Variants in INSIG1 observed in about 807,000 individuals in gnomAD.
INSIG1 encodes the protein insulin-induced gene 1 protein.
A neutral mutation model predicts 26.5 loss-of-function variants in INSIG1; 14 were observed. That is an observed-to-expected ratio of 0.53 (90% CI 0.35 to 0.83). The LOEUF (loss-of-function observed/expected upper bound fraction) is 0.83, where lower values mean the gene tolerates loss of function less well. Ranked by LOEUF, INSIG1 falls within the 40% of genes least tolerant of loss-of-function variation. INSIG1 has a pLI of 0.01. For synonymous variants in INSIG1, 147 were observed against 153.3 expected, an observed-to-expected ratio of 0.96 and a Z score of 0.30; for missense variants, 272 against 368.9, an observed-to-expected ratio of 0.74 and a Z score of 2.15.
chr7:155,301,215 A>G (rs376366619), intron 2 of INSIG1, among the ~76,000 whole-genome samples: 1 of 152,260 alleles, frequency 6.6e-6, no homozygotes, highest in African/African-American at 2.4e-5. Context: ...AAGGTGAACT[A>G]CATAGTCATT....
chr7:155,301,833 A>T (rs550772231), intron 3 of INSIG1, 143 bp downstream of exon 3: 1 of 679,920 alleles, frequency 1.5e-6, no homozygotes, highest in Non-Finnish European at 2.1e-6. Flanking sequence ...TACTAAAAAG[A>T]GAAAGAAGAA....
Position 155,302,509 on chromosome 7 carries a change from G to GT in INSIG1, c.704+98dup, listed in dbSNP as rs1483757578. On this transcript the variant is annotated intron_variant, in intron 4 of 5. Coordinates refer to ENST00000340368, the MANE Select transcript of INSIG1 (RefSeq NM_005542.6). This position sits in a 1 kb window ranked among gnomAD's most constrained non-coding sequence, Gnocchi z 4.3. ...GCTTAGATATTTTCATATTTTATTTGTTTTTTATATAGAATGATACAGATT... is the reference window on the plus strand; with the variant it reads ...GCTTAGATATTTTCATATTTTATTTGTTTTTTTATATAGAATGATACAGATT... 8.0e-7 allele frequency: 1 copy of GT among 1,252,450 alleles called. No homozygotes were observed. The highest frequency in any genetic ancestry group is 2.8e-5 in the Admixed American group (1 of 35,824). 77.6% of individuals were successfully genotyped at this position (1,252,450 alleles called of 1,614,324 possible).
intron 2 of INSIG1, 36 bp downstream of exon 2, chr7:155,298,733 G>C (rs780408890): frequency 1.3e-5 from 21 of 1,580,518 alleles, no homozygotes; most frequent in East Asian, 9.0e-5. Context: ...GAAGTAAAAA[G>C]GGTGTCTTTT....
chr7:155,305,349 C>T (rs974030496), intron 5 of INSIG1, among the ~76,000 whole-genome samples: 1 of 152,112 alleles, frequency 6.6e-6, no homozygotes, highest in Admixed American at 6.6e-5. Context: ...TTCTATCCAT[C>T]AAACCCCGGA....
In INSIG1 at chr7:155,302,668, C is replaced by A; in HGVS notation, c.705-79C>A. ...ATGGTTGATATGCGTTCTGCATATC[C>A]CCACTACAGAGAATCTGTGATGTAG... On this transcript the variant is annotated intron_variant, in intron 4 of 5. Coordinates refer to ENST00000340368, the MANE Select transcript of INSIG1 (RefSeq NM_005542.6). The surrounding 1 kb of genome is among the most constrained non-coding windows in gnomAD (Gnocchi z 4.3). 1 of 1,031,496 alleles carries A rather than the reference C, an allele frequency of 9.7e-7. No individual in the cohort carries two copies. The highest frequency in any genetic ancestry group is 1.5e-6 in the Non-Finnish European group (1 of 658,540). The allele number at this position is 1,031,496 out of a possible 1,614,324, so 63.9% of individuals were successfully genotyped here.
chr7:155,301,912 AT>A (rs1460908896), intron 3 of INSIG1, among the ~76,000 whole-genome samples: 1 of 129,270 alleles, frequency 7.7e-6, no homozygotes, highest in Non-Finnish European at 1.6e-5. Flanking sequence ...ATTTATTTAT[AT>A]TTTTATATAT....
intron 1 of INSIG1, 83 bp from the exon 2 acceptor site, chr7:155,298,176 C>A (rs866281656): frequency 4.1e-6 from 5 of 1,208,964 alleles, no homozygotes; most frequent in Middle Eastern, 6.0e-4. Flanking sequence ...TGCCGCCTGG[C>A]CCGGGTGCCG....
In INSIG1 at chr7:155,298,663, C is replaced by T; in HGVS notation, c.378C>T (p.Ala126=). ...EEVIATIFSS[A]WWVPPCCGTA... is the part of the protein sequence containing the mutation. ...TGATCGCCACCATCTTTTCCTCCGC[C>T]TGGTGGGTCCCTCCCTGCTGCGGGA... Residue 126 remains alanine, a synonymous_variant, in exon 2 of 6, where the codon GCC becomes GCT. Transcript: ENST00000340368. 2 of 1,612,602 alleles carry T rather than the reference C, an allele frequency of 1.2e-6. No individual in the cohort carries two copies. The highest frequency in any genetic ancestry group is 8.5e-7 in the Non-Finnish European group (1 of 1,179,956).
intron 2 of INSIG1, among the ~76,000 whole-genome samples, chr7:155,299,535 T>C (rs1797728663): frequency 6.6e-6 from 1 of 152,304 alleles, no homozygotes; most frequent in African/African-American, 2.4e-5. Flanking sequence ...TTCTGCAACC[T>C]CAACTCTATA....
chr7:155,308,042 A>G (rs1205919569), intron 5 of INSIG1, among the ~76,000 whole-genome samples, 199 bp from the exon 6 acceptor site: 1 of 152,202 alleles, frequency 6.6e-6, no homozygotes, highest in African/African-American at 2.4e-5. Context: ...GGCCAGAGCC[A>G]TGAAGACGGT....
intron 2 of INSIG1, among the ~76,000 whole-genome samples, chr7:155,299,852 C>G (rs1797737244): frequency 6.6e-6 from 1 of 152,206 alleles, no homozygotes; most frequent in Non-Finnish European, 1.5e-5. Flanking sequence ...GGTAACTGCT[C>G]CTGCTGCCTT....
At chr7:155,301,925 T>TTA (rs1184398741) in intron 3 of INSIG1, among the ~76,000 whole-genome samples, 942 of 89,876 alleles carry the variant, frequency 0.01, 19 homozygotes, top group African/African-American at 0.043. Context: ...TTTATATATA[T>TTA]TATATATATT....
Position 155,308,675 on chromosome 7 carries a change from C to G in INSIG1, c.*405C>G, listed in dbSNP as rs1798003164. The G allele has an allele frequency of 5.5e-6, 1 of 182,954 alleles. No homozygotes were observed. The highest frequency in any genetic ancestry group is 1.5e-4 in the South Asian group (1 of 6,766). The allele number at this position is 182,954 out of a possible 1,614,324, so 11.3% of individuals were successfully genotyped here. ...AGGTAGGTTGATGGTGCTTAACAAA[C>G]ATGAAGTATGGTGTAATAGGAATAA... On this transcript the variant is annotated 3_prime_UTR_variant, in exon 6 of 6. Coordinates refer to ENST00000340368, the MANE Select transcript of INSIG1 (RefSeq NM_005542.6).
intron 5 of INSIG1, among the ~76,000 whole-genome samples, chr7:155,304,068 A>G (rs532141071): frequency 6.7e-6 from 1 of 149,184 alleles, no homozygotes; most frequent in Non-Finnish European, 1.5e-5. Context: ...GACTCAAGCA[A>G]TCCTCCCGCT....
rs554278408 is a variant in INSIG1, at chr7:155,308,638, A to G, written c.*368A>G. Reference sequence around the variant, plus strand: ...AATTACCAACCCGCAGTTTTGTGTCAGTGCCCAAAGGAGGTAGGTTGATGG... The same window carrying G: ...AATTACCAACCCGCAGTTTTGTGTCGGTGCCCAAAGGAGGTAGGTTGATGG... On this transcript the variant is annotated 3_prime_UTR_variant, in exon 6 of 6. Coordinates refer to ENST00000340368, the MANE Select transcript of INSIG1 (RefSeq NM_005542.6). 2.3e-4 allele frequency: 52 copies of G among 230,754 alleles called. No homozygotes were observed. The highest frequency in any genetic ancestry group is 1.1e-3 in the Admixed American group (23 of 20,170). 14.3% of individuals were successfully genotyped at this position (230,754 alleles called of 1,614,324 possible).
At chr7:155,303,059 G>A (rs1272274379) in intron 5 of INSIG1, 2 of 439,812 alleles carry the variant, frequency 4.5e-6, no homozygotes, top group African/African-American at 2.0e-5. Flanking sequence ...TCTAGAAAAG[G>A]AACTAGAGCC....
chr7:155,298,005 G>C (rs547394206), intron 1 of INSIG1, 46 bp downstream of exon 1: 2 of 310,724 alleles, frequency 6.4e-6, no homozygotes, highest in African/African-American at 4.3e-5. Context: ...CTTTGGTCGC[G>C]CAGCAGCCGG....
chr7:155,302,766 C>T lies in INSIG1; in HGVS notation c.724C>T (p.Leu242Phe). Residue 242 changes from leucine (L) to phenylalanine (F), a missense_variant, in exon 5 of 6, where the codon CTC (leucine) becomes TTC (phenylalanine). By Grantham distance (22) the Leu-to-Phe change is conservative. Around this residue, in one of 2 missense-constraint regions of INSIG1, gnomAD observed 111 missense variants for 189.8 expected, o/e 0.58. Transcript: ENST00000340368. This position sits in a 1 kb window ranked among gnomAD's most constrained non-coding sequence, Gnocchi z 4.3. ...GVYQYTSPDF[L>F]YIRSWLPCIF... ...CTCCAGGTATACATCCCCAGATTTC[C>T]TCTATATTCGTTCTTGGCTCCCTTG... The T allele has an allele frequency of 6.2e-7, 1 of 1,611,404 alleles. No individual in the cohort carries two copies. The highest frequency in any genetic ancestry group is 8.5e-7 in the Non-Finnish European group (1 of 1,177,634).
intron 5 of INSIG1, among the ~76,000 whole-genome samples, chr7:155,305,992 TTTG>T (rs1178666439): frequency 6.6e-6 from 1 of 152,034 alleles, no homozygotes; most frequent in African/African-American, 2.4e-5. Context: ...TTGCTTTTTG[TTTG>T]TTTTTATTTT....
Sources: gnomAD v4.1 joint callset for allele counts (sites outside exome capture counted in the v4.1 genomes callset) on GRCh38, gnomAD v4.1.1 for gene constraint, gnomAD v4.1.1 regional missense constraint, Gnocchi (gnomAD v3.1) non-coding constraint, MANE v1.5 for transcripts, NCBI Gene and HGNC (gene_info 2026-07-23, HGNC 2026-07-21) for gene names.